Variants in GPC5 observed in about 807,000 individuals in gnomAD.
GPC5 encodes the protein glypican-5.
GPC5 carries 47 observed loss-of-function variants against 53.9 expected under a neutral mutation model. That is an observed-to-expected ratio of 0.87 (90% CI 0.69 to 1.11). The LOEUF is 1.11. Ranked by LOEUF, GPC5 falls within the 50% of genes most tolerant of loss-of-function variation. The probability of loss-of-function intolerance (pLI) is 0.00; values close to 1 mark genes in which losing one functional copy is unlikely to be tolerated. For missense variants in GPC5, 748 were observed against 713.1 expected (o/e 1.05, Z -0.56); for synonymous variants, 286 against 263.3 (o/e 1.09, Z -0.84).
intron 2 of GPC5, among the ~76,000 whole-genome samples, chr13:91,465,303 C>T (rs1882167537): frequency 6.6e-6 from 1 of 152,088 alleles, no homozygotes; most frequent in Non-Finnish European, 1.5e-5. Flanking sequence ...GTTATTTAGT[C>T]ATGCAATGAC....
At chr13:91,913,845 G>T (rs1411002532) in intron 6 of GPC5, among the ~76,000 whole-genome samples, 3 of 152,122 alleles carry the variant, frequency 2.0e-5, no homozygotes, top group Non-Finnish European at 4.4e-5. Flanking sequence ...GTTAAATGTG[G>T]TATATCCAAT....
intron 2 of GPC5, among the ~76,000 whole-genome samples, chr13:91,598,582 A>C (rs1021316272): frequency 6.6e-6 from 1 of 151,968 alleles, no homozygotes; most frequent in Non-Finnish European, 1.5e-5. Context: ...GTTCATTTCT[A>C]CCTTTGATAT....
intron 6 of GPC5, among the ~76,000 whole-genome samples, chr13:92,076,039 A>G (rs924800464): frequency 1.3e-5 from 2 of 152,020 alleles, no homozygotes; most frequent in Admixed American, 6.6e-5. Context: ...GAGATCAGAT[A>G]AACCATGTGT....
chr13:92,478,487 G>A (rs1009316395), intron 7 of GPC5, among the ~76,000 whole-genome samples: 15 of 152,094 alleles, frequency 9.9e-5, no homozygotes, highest in African/African-American at 3.4e-4. Flanking sequence ...CCATCACAGC[G>A]ATCATTATCT....
intron 6 of GPC5, among the ~76,000 whole-genome samples, chr13:91,982,460 A>G (rs2138718933): frequency 6.6e-6 from 1 of 152,294 alleles, no homozygotes. Context: ...AAACAAAATA[A>G]TAAAAAAGCT....
chr13:92,431,707 A>G (rs1594196936), intron 7 of GPC5, among the ~76,000 whole-genome samples: 1 of 152,176 alleles, frequency 6.6e-6, no homozygotes, highest in African/African-American at 2.4e-5. Context: ...ACATGATAAC[A>G]TGATCTTGAT....
intron 7 of GPC5, among the ~76,000 whole-genome samples, chr13:92,588,426 CTT>C (rs745606698): frequency 1.1e-4 from 16 of 152,332 alleles, no homozygotes; most frequent in Middle Eastern, 3.4e-3. Context: ...GAAACAGACA[CTT>C]GAGTCATCTA....
intron 7 of GPC5, among the ~76,000 whole-genome samples, chr13:92,643,372 A>G (rs879285385): frequency 1.3e-4 from 20 of 151,956 alleles, no homozygotes; most frequent in Non-Finnish European, 2.8e-4. Flanking sequence ...CCATCCCATT[A>G]CTGGGTATAT....
At chr13:92,675,708 A>G (rs1454341133) in intron 7 of GPC5, among the ~76,000 whole-genome samples, 2 of 152,120 alleles carry the variant, frequency 1.3e-5, no homozygotes, top group African/African-American at 4.8e-5. Context: ...ACGTGCTTTA[A>G]TAAAGTTTCC....
chr13:92,755,386 C>A (rs918444305), intron 7 of GPC5, among the ~76,000 whole-genome samples: 3 of 137,194 alleles, frequency 2.2e-5, no homozygotes, highest in African/African-American at 7.7e-5. Flanking sequence ...AGGAAAGATC[C>A]AAAATTGATA....
intron 7 of GPC5, among the ~76,000 whole-genome samples, chr13:92,361,677 T>G (rs895791431): frequency 1.3e-5 from 2 of 151,762 alleles, no homozygotes; most frequent in South Asian, 2.1e-4. Context: ...AAGAGGAGGA[T>G]AAGATTCTTG....
chr13:92,363,159 G>T (rs1390418329), intron 7 of GPC5, among the ~76,000 whole-genome samples: 2 of 151,662 alleles, frequency 1.3e-5, no homozygotes, highest in East Asian at 3.9e-4. Context: ...CCAAAAGTGG[G>T]GCTGGGTGTT....
At chr13:91,549,311 C>T (rs1211307775) in intron 2 of GPC5, among the ~76,000 whole-genome samples, 1 of 147,590 alleles carries the variant, frequency 6.8e-6, no homozygotes, top group African/African-American at 2.5e-5. Flanking sequence ...GTACATAATA[C>T]AGGAGAAGAT....
intron 7 of GPC5, among the ~76,000 whole-genome samples, chr13:92,675,271 A>G (rs1186166158): frequency 6.6e-6 from 1 of 152,108 alleles, no homozygotes; most frequent in African/African-American, 2.4e-5. Flanking sequence ...CTATTCTTTA[A>G]TTTGTCTCTT....
chr13:91,877,011 C>T (rs1452589427), intron 5 of GPC5, among the ~76,000 whole-genome samples: 1 of 152,190 alleles, frequency 6.6e-6, no homozygotes, highest in African/African-American at 2.4e-5. Context: ...GGGTGCAAGC[C>T]CCAAGCCTTG....
intron 2 of GPC5, among the ~76,000 whole-genome samples, chr13:91,547,336 C>T (rs2030353944): frequency 6.6e-6 from 1 of 151,896 alleles, no homozygotes; most frequent in Admixed American, 6.6e-5. Context: ...ATTGCAGATT[C>T]CATGGACATT....
chr13:91,858,013 T>A (rs1262443075), intron 5 of GPC5, among the ~76,000 whole-genome samples: 1 of 151,742 alleles, frequency 6.6e-6, no homozygotes, highest in Non-Finnish European at 1.5e-5. Flanking sequence ...AGAATTTATT[T>A]GCAATATATA....
At chr13:91,964,061 T>C (rs895085873) in intron 6 of GPC5, among the ~76,000 whole-genome samples, 16 of 152,132 alleles carry the variant, frequency 1.1e-4, no homozygotes, top group African/African-American at 3.4e-4. Flanking sequence ...CTCGCGGTGT[T>C]ACAGTTCTTA....
chr13:92,230,826 T>C (rs1251774489), intron 7 of GPC5, among the ~76,000 whole-genome samples: 2 of 152,152 alleles, frequency 1.3e-5, no homozygotes, highest in Admixed American at 6.5e-5. Flanking sequence ...CAAAATTACA[T>C]TGATTCATAA....
Sources: gnomAD v4.1 joint callset for allele counts (sites outside exome capture counted in the v4.1 genomes callset) on GRCh38, gnomAD v4.1.1 for gene constraint, MANE v1.5 for transcripts, NCBI Gene and HGNC (gene_info 2026-07-23, HGNC 2026-07-21) for gene names.